NBEAL1: variants seen among roughly 807,000 people sequenced by gnomAD.
NBEAL1 encodes the protein neurobeachin like 1, also known as neurobeachin-like protein 1.
In NBEAL1, 273 loss-of-function variants were observed where a neutral mutation model predicts 351.3. That is an observed-to-expected ratio of 0.78 (90% confidence interval 0.70 to 0.86). The LOEUF is 0.86. Among genes scored for constraint, NBEAL1 ranks in the 40% least tolerant of loss-of-function variants. NBEAL1 has a pLI of 0.00. For missense variants in NBEAL1, 2,961 were observed against 3,201.3 expected (o/e 0.92, Z 1.81); for synonymous variants, 1,050 against 1,086.4 (o/e 0.97, Z 0.66).
rs2061905639 is a variant in NBEAL1 at position 203,083,327 on chromosome 2, G to A, written c.793G>A (p.Ala265Thr). ...DGDPEEVGRK[A>T]ELTLKCLTEV... ...AGATCCTGAAGAAGTGGGTAGGAAGGCAGAACTAACTCTGAAGTGCCTTAC... is the reference window on the plus strand; with the variant it reads ...AGATCCTGAAGAAGTGGGTAGGAAGACAGAACTAACTCTGAAGTGCCTTAC... The change falls in exon 9 of 56, where the codon GCA becomes ACA. Residue 265 changes from alanine to threonine, a missense_variant. Ala to Thr is a moderately conservative substitution (Grantham distance 58). Transcript: ENST00000683969. 4 of 1,553,806 alleles carry A rather than the reference G, an allele frequency of 2.6e-6. No individual in the cohort carries two copies. In the East Asian group the frequency reaches 9.6e-5, roughly 37 times the overall value.
At chr2:203,213,682 C>A in intron 55 of NBEAL1, 29 bp downstream of exon 55, 1 of 1,612,796 alleles carries the variant, frequency 6.2e-7, no homozygotes, top group South Asian at 1.1e-5. Context: ...AATTTCATTT[C>A]TCATGCTGTT....
At chr2:203,023,876 T>C (rs564211410) in intron 2 of NBEAL1, among the ~76,000 whole-genome samples, 1 of 152,198 alleles carries the variant, frequency 6.6e-6, no homozygotes, top group South Asian at 2.1e-4. Context: ...CTGAAGAACA[T>C]TGTCATTTAA....
rs531137896 is a variant in NBEAL1, at chr2:203,028,256, A to G, written c.51+11821A>G. On this transcript the variant is annotated intron_variant, in intron 2 of 55. Transcript: ENST00000683969. ...TGATCTTGAACTCCTGTTGTAAGCA[A>G]TCCTTATGCCTCGGCCTCCCAAAAT... Among the ~76,000 whole-genome samples the G allele has an allele frequency of 8.6e-5, 13 of 151,792 alleles. No individual in the cohort carries two copies. In the South Asian group the frequency reaches 1.5e-3, roughly 17 times the overall value.
chr2:203,174,404 T>C (rs547923780), intron 41 of NBEAL1, among the ~76,000 whole-genome samples: 1 of 152,126 alleles, frequency 6.6e-6, no homozygotes, highest in African/African-American at 2.4e-5. Flanking sequence ...AAATATATTG[T>C]TATGAACAAT....
At chr2:203,105,464 CAA>C (rs568007268) in intron 12 of NBEAL1, among the ~76,000 whole-genome samples, 2 of 138,088 alleles carry the variant, frequency 1.4e-5, no homozygotes, top group Non-Finnish European at 3.2e-5. Flanking sequence ...GACTCCATCT[CAA>C]AAAAAAAAAA....
chr2:203,148,766 T>C, intron 33 of NBEAL1, among the ~76,000 whole-genome samples: 1 of 148,896 alleles, frequency 6.7e-6, no homozygotes, highest in East Asian at 2.0e-4. Flanking sequence ...TGTTGGTTGG[T>C]TTTTTTTTTA....
Position 203,100,800 on chromosome 2 carries a change from G to A in NBEAL1, c.1269+1088G>A, listed in dbSNP as rs187091367. Among the ~76,000 whole-genome samples the A allele has an allele frequency of 2.8e-3, 419 of 152,052 alleles. 1 individual carries two copies. The highest frequency in any genetic ancestry group is 4.4e-3 in the Non-Finnish European group (301 of 67,972). ...CAACCGCAGGTGATCCGCCTGCCTC[G>A]ACCTCCAAAAGTACTGGGATTACAG... is the stretch of plus-strand genomic sequence containing the variant. On this transcript the variant is annotated intron_variant, in intron 12 of 55. Coordinates refer to ENST00000683969, the MANE Select transcript of NBEAL1 (RefSeq NM_001378026.1).
chr2:203,209,278 C>T lies in NBEAL1; in HGVS notation c.7741C>T (p.His2581Tyr). 6.2e-7 allele frequency: 1 copy of T among 1,613,944 alleles called. No homozygotes were observed. The highest frequency in any genetic ancestry group is 8.5e-7 in the Non-Finnish European group (1 of 1,179,854). The change falls in exon 53 of 56, where the codon CAT becomes TAT. Residue 2581 changes from histidine (H) to tyrosine (Y), a missense_variant. Coordinates refer to ENST00000683969, the MANE Select transcript of NBEAL1 (RefSeq NM_001378026.1). ...IPNLAISWEG[H>Y]IVVYSSTEEK... Reference sequence around the variant, plus strand: ...TAATTTGGCTATATCTTGGGAAGGACATATTGTTGTCTACTCCAGCACTGA... The same window carrying T: ...TAATTTGGCTATATCTTGGGAAGGATATATTGTTGTCTACTCCAGCACTGA...
chr2:203,151,006 A>G (rs1409888648), intron 34 of NBEAL1, among the ~76,000 whole-genome samples: 2 of 152,204 alleles, frequency 1.3e-5, no homozygotes, highest in Non-Finnish European at 2.9e-5. Context: ...TTTGGATTAA[A>G]TGAGATAAAA....
At position 203,110,363 on chromosome 2, in the gene NBEAL1, AT is replaced by A. The variant is rs1442725605; in HGVS notation, c.2082+88del. The A allele has an allele frequency of 2.8e-5, 40 of 1,447,430 alleles. No homozygotes were observed. The South Asian group carries it at 3.4e-4, about 12-fold the overall frequency. The allele number at this position is 1,447,430 out of a possible 1,614,324, so 89.7% of individuals were successfully genotyped here. ...CATTGTCATAAATTCAACAGCAGTC[AT>A]TTTTTTGCTAAAAAATTTAAATGAG... On this transcript the variant is annotated intron_variant, in intron 15 of 55. Transcript: ENST00000683969.
rs1043337614 is a variant in NBEAL1 at position 203,180,422 on chromosome 2, A to G, written c.6505A>G (p.Thr2169Ala). The change falls in exon 43 of 56, where the codon ACC becomes GCC. Residue 2169 changes from threonine to alanine, a missense_variant. Coordinates refer to ENST00000683969, the MANE Select transcript of NBEAL1 (RefSeq NM_001378026.1). The stretch of plus-strand genomic sequence containing the variant: ...TCGACAGTTCCATTCTATTCCTGCT[A>G]CCTGGCAAGCTCTTATGGATAATCC... ...ADRQFHSIPA[T>A]WQALMDNPYD... 2 of 1,612,368 alleles carry G rather than the reference A, an allele frequency of 1.2e-6. No homozygotes were observed. Among genetic ancestry groups the G allele is most frequent in the Admixed American group, 3.3e-5 (2 of 59,894 alleles).
intron 2 of NBEAL1, among the ~76,000 whole-genome samples, chr2:203,024,103 G>T (rs1358941588): frequency 6.6e-6 from 1 of 151,738 alleles, no homozygotes; most frequent in Non-Finnish European, 1.5e-5. Flanking sequence ...GGGCAGGGTG[G>T]GAGATTTGCT....
In NBEAL1 at chr2:203,016,401, G is replaced by C. The variant is rs547907314; in HGVS notation, c.17G>C (p.Arg6Thr). The change falls in exon 2 of 56, where the codon AGG becomes ACG. Residue 6 changes from arginine to threonine, a missense_variant. Coordinates refer to ENST00000683969, the MANE Select transcript of NBEAL1 (RefSeq NM_001378026.1). ...AAAGCCAGAATGGCATCCAGAGAGA[G>C]GCTCTTTGAACTTTGGATGCTTTAT... MASRE[R>T]LFELWMLYCT... is the part of the protein sequence containing the mutation. 2.0e-6 allele frequency: 3 copies of C among 1,493,190 alleles called. No homozygotes were observed. In the African/African-American group the frequency reaches 4.1e-5, roughly 21 times the overall value. 92.5% of individuals were successfully genotyped at this position (1,493,190 alleles called of 1,614,324 possible).
chr2:203,148,389 A>G (rs6435173), intron 33 of NBEAL1, among the ~76,000 whole-genome samples: 138,516 of 152,026 alleles, frequency 0.91, 63,584 homozygotes, highest in Non-Finnish European at 0.96. Flanking sequence ...CATTGCTGTA[A>G]TGTCTCTCTA....
chr2:203,087,541 G>T (rs1235387396), intron 10 of NBEAL1, among the ~76,000 whole-genome samples: 1 of 152,106 alleles, frequency 6.6e-6, no homozygotes, highest in Admixed American at 6.6e-5. Context: ...CTTGTGCAAG[G>T]CTCTAAGACA....
At chr2:203,072,478 T>G (rs1318271345) in intron 7 of NBEAL1, among the ~76,000 whole-genome samples, 1 of 152,182 alleles carries the variant, frequency 6.6e-6, no homozygotes, top group Non-Finnish European at 1.5e-5. Context: ...TCTTTTGTGC[T>G]TAACAGTTTC....
At chr2:203,205,666 C>A (rs2065531864) in intron 51 of NBEAL1, among the ~76,000 whole-genome samples, 1 of 152,138 alleles carries the variant, frequency 6.6e-6, no homozygotes, top group African/African-American at 2.4e-5. Context: ...ATCTTATTAG[C>A]TAGTACTTTA....
In NBEAL1 at chr2:203,133,097, A is replaced by G. The variant is rs750423968; in HGVS notation, c.3764A>G (p.Tyr1255Cys). Reference protein sequence around the residue: ...INFKDLLSVVYISHRAHINVR... With the variant: ...INFKDLLSVVCISHRAHINVR... ...TTCAAAGATCTACTATCTGTGGTAT[A>G]TATATCTCACAGAGCACATATAAAT... Residue 1255 changes from tyrosine (Y) to cysteine (C), a missense_variant, in exon 27 of 56, where the codon TAT (tyrosine) becomes TGT (cysteine). Tyr to Cys is a radical substitution (Grantham distance 194, BLOSUM62 -2). Transcript: ENST00000683969. 5 of 1,520,106 alleles carry G rather than the reference A, an allele frequency of 3.3e-6. No individual in the cohort carries two copies. In the African/African-American group the frequency reaches 5.5e-5, roughly 17 times the overall value. 94.2% of individuals were successfully genotyped at this position (1,520,106 alleles called of 1,614,324 possible).
chr2:203,040,518 T>C (rs1226239361), intron 2 of NBEAL1: 7 of 672,734 alleles, frequency 1.0e-5, no homozygotes, highest in Admixed American at 5.5e-5. Flanking sequence ...TGGAAACTTA[T>C]GTGACCTGGG....
Sources: gnomAD v4.1 joint callset for allele counts (sites outside exome capture counted in the v4.1 genomes callset) on GRCh38, gnomAD v4.1.1 for gene constraint, MANE v1.5 for transcripts, NCBI Gene and HGNC (gene_info 2026-07-23, HGNC 2026-07-21) for gene names.